The following PTPRN2 variants were observed in gnomAD, a reference collection of about 807,000 sequenced individuals.
The protein encoded by PTPRN2 is receptor-type tyrosine-protein phosphatase N2.
In PTPRN2, 74 loss-of-function variants were observed where a neutral mutation model predicts 118.8. The observed-to-expected ratio is 0.62, with a 90% CI of 0.52 to 0.76. The LOEUF is 0.76. Ranked by LOEUF, PTPRN2 falls within the 30% of genes least tolerant of loss-of-function variation. The probability of loss-of-function intolerance (pLI) is 0.00; values close to 1 mark genes in which losing one functional copy is unlikely to be tolerated. For synonymous variants in PTPRN2, 641 were observed against 608.0 expected, an observed-to-expected ratio of 1.05 and a Z score of -0.80; for missense variants, 1,481 against 1,394.4, an observed-to-expected ratio of 1.06 and a Z score of -0.99.
chr7:157,800,097 C>G (rs1402554745), intron 12 of PTPRN2, among the ~76,000 whole-genome samples: 8 of 150,006 alleles, frequency 5.3e-5, no homozygotes, highest in African/African-American at 2.0e-4. Context: ...TCCTCCATCC[C>G]TGAGGCACCA....
chr7:158,562,907 GC>G (rs1438234978), intron 1 of PTPRN2, among the ~76,000 whole-genome samples: 1 of 152,190 alleles, frequency 6.6e-6, no homozygotes, highest in African/African-American at 2.4e-5. Flanking sequence ...CTGAGTGCAG[GC>G]CCTTTAAAGA....
chr7:157,785,038 T>C lies in PTPRN2; in HGVS notation c.1789-102101A>G, dbSNP rs982499972. Among the ~76,000 whole-genome samples the C allele has an allele frequency of 1.3e-5, 2 of 152,094 alleles. No homozygotes were observed. The highest frequency in any genetic ancestry group is 2.9e-5 in the Non-Finnish European group (2 of 68,004). The stretch of plus-strand genomic sequence containing the variant: ...TCTTCAGTTTCCATTTTTCCACTTG[T>C]AACGGCTGTTACAGCCGCTGTTTCA... On this transcript the variant is annotated intron_variant, in intron 12 of 22. Transcript: ENST00000389418. This position sits in a 1 kb window ranked among gnomAD's most constrained non-coding sequence, Gnocchi z 7.3.
intron 11 of PTPRN2, among the ~76,000 whole-genome samples, chr7:157,984,009 A>C (rs1803518989): frequency 6.6e-6 from 1 of 152,096 alleles, no homozygotes; most frequent in African/African-American, 2.4e-5. Flanking sequence ...CCTGACTCGC[A>C]GGGGGCCCGT....
intron 3 of PTPRN2, among the ~76,000 whole-genome samples, chr7:158,286,872 G>A (rs1362828234): frequency 6.6e-6 from 1 of 152,174 alleles, no homozygotes; most frequent in African/African-American, 2.4e-5. Flanking sequence ...CGTAAAATGA[G>A]TGTGGAAGTA....
intron 2 of PTPRN2, among the ~76,000 whole-genome samples, chr7:158,371,506 G>A (rs1415809356): frequency 6.6e-6 from 1 of 151,994 alleles, no homozygotes; most frequent in Admixed American, 6.6e-5. Flanking sequence ...AAACCAAAAC[G>A]AGGAGGCATA....
chr7:158,063,527 C>G (rs1810520775), intron 11 of PTPRN2, among the ~76,000 whole-genome samples: 1 of 152,172 alleles, frequency 6.6e-6, no homozygotes, highest in Admixed American at 6.5e-5. Flanking sequence ...CACTTGGGTC[C>G]CCTTTCACAT....
intron 6 of PTPRN2, among the ~76,000 whole-genome samples, chr7:158,146,793 T>C (rs1000118646): frequency 1.3e-5 from 2 of 151,616 alleles, no homozygotes; most frequent in African/African-American, 4.9e-5. Flanking sequence ...GGCTACAACA[T>C]TGTTCTCACA....
chr7:158,095,691 T>G (rs1245242924), intron 10 of PTPRN2, among the ~76,000 whole-genome samples: 2 of 152,172 alleles, frequency 1.3e-5, no homozygotes, highest in African/African-American at 4.8e-5. Flanking sequence ...TGACGCATGA[T>G]TGAGCAATAC....
rs1336936323 is a variant in PTPRN2 at position 157,808,699 on chromosome 7, A to G, written c.1788+89974T>C. 1.3e-5 allele frequency among the ~76,000 whole-genome samples: 2 copies of G among 152,348 alleles called. No homozygotes were observed. The highest frequency in any genetic ancestry group is 3.9e-4 in the East Asian group (2 of 5,194). ...TGCACAGTAAATGTAATGCGTTTGA[A>G]TCATCCTGAAACCTTCCCCCAACCT... On this transcript the variant is annotated intron_variant, in intron 12 of 22. Transcript: ENST00000389418. The surrounding 1 kb of genome is among the most constrained non-coding windows in gnomAD (Gnocchi z 5.0).
At position 158,517,303 on chromosome 7, in the gene PTPRN2, C is replaced by A. The variant is rs985437989; in HGVS notation, c.113-27518G>T. ...CCACAGCCTTGGAGGAGGCAGAGTGCGGGCAGCGCCCCCTCACAGAACCGC... is the reference window on the plus strand; with the variant it reads ...CCACAGCCTTGGAGGAGGCAGAGTGAGGGCAGCGCCCCCTCACAGAACCGC... On this transcript the variant is annotated intron_variant, in intron 1 of 22. Transcript: ENST00000389418. This position sits in a 1 kb window ranked among gnomAD's most constrained non-coding sequence, Gnocchi z 5.3. 2.0e-5 allele frequency among the ~76,000 whole-genome samples: 3 copies of A among 152,202 alleles called. No individual in the cohort carries two copies. Among genetic ancestry groups the A allele is most frequent in the Non-Finnish European group, 4.4e-5 (3 of 68,028 alleles).
At chr7:157,568,501 A>G (rs374318283) in intron 21 of PTPRN2, among the ~76,000 whole-genome samples, 2 of 152,254 alleles carry the variant, frequency 1.3e-5, no homozygotes, top group East Asian at 1.9e-4. Flanking sequence ...GAGTTACACC[A>G]AATACTGGAG....
chr7:158,082,851 G>T (rs552414092), intron 10 of PTPRN2, among the ~76,000 whole-genome samples: 17 of 152,304 alleles, frequency 1.1e-4, no homozygotes, highest in African/African-American at 3.8e-4. Flanking sequence ...CTTGGAAGCC[G>T]CCTCCAGGGA....
At chr7:157,991,243 C>G (rs1585154928) in intron 11 of PTPRN2, among the ~76,000 whole-genome samples, 1 of 152,208 alleles carries the variant, frequency 6.6e-6, no homozygotes, top group East Asian at 1.9e-4. Context: ...GCAATCCCAT[C>G]CTCGGAGGGT....
At chr7:157,683,671 G>C (rs183223770) in intron 12 of PTPRN2, among the ~76,000 whole-genome samples, 53 of 152,238 alleles carry the variant, frequency 3.5e-4, no homozygotes, top group Non-Finnish European at 5.6e-4. Flanking sequence ...CTGCTTCTTG[G>C]AGGGCGGGGG....
chr7:158,023,043 ACAAAAAT>A (rs1807014880), intron 11 of PTPRN2, among the ~76,000 whole-genome samples: 1 of 152,234 alleles, frequency 6.6e-6, no homozygotes, highest in African/African-American at 2.4e-5. Flanking sequence ...TCCCTGATAA[ACAAAAAT>A]CACGGCACAA....
At chr7:158,029,774 C>A (rs1807554290) in intron 11 of PTPRN2, 1 of 152,376 alleles carries the variant, frequency 6.6e-6, no homozygotes, top group Non-Finnish European at 1.5e-5. Flanking sequence ...AGGCTCCTGT[C>A]CTGCCCATCC....
intron 12 of PTPRN2, among the ~76,000 whole-genome samples, chr7:157,725,247 C>T (rs966493367): frequency 2.2e-5 from 3 of 137,902 alleles, no homozygotes; most frequent in Non-Finnish European, 4.5e-5. Flanking sequence ...TGGATATCCA[C>T]ATGCAGAGGA....
At chr7:158,261,242 A>G (rs188775230) in intron 3 of PTPRN2, among the ~76,000 whole-genome samples, 1 of 152,244 alleles carries the variant, frequency 6.6e-6, no homozygotes, top group South Asian at 2.1e-4. Context: ...GCATGCAGAC[A>G]AGCAGGCCGG....
At chr7:158,271,297 AC>A (rs1798501291) in intron 3 of PTPRN2, among the ~76,000 whole-genome samples, 1 of 152,242 alleles carries the variant, frequency 6.6e-6, no homozygotes. Context: ...CTTTTGATGC[AC>A]ATATATCCTC....
Sources: allele counts gnomAD v4.1 joint callset (sites outside exome capture counted in the v4.1 genomes callset), GRCh38; gene constraint gnomAD v4.1.1; non-coding constraint Gnocchi (gnomAD v3.1); transcripts MANE v1.5; gene names NCBI Gene and HGNC (gene_info 2026-07-23, HGNC 2026-07-21).